ZCCHC10: variants seen among roughly 807,000 people sequenced by gnomAD.
The protein encoded by ZCCHC10 is zinc finger CCHC-type containing 10.
ZCCHC10 carries 16 observed loss-of-function variants against 19.5 expected under a neutral mutation model. The ratio of observed to expected loss-of-function variants is 0.82; its 90% confidence interval spans 0.56 to 1.25. ZCCHC10 has a LOEUF of 1.25. ZCCHC10 is among the 50% of genes most tolerant of loss of function. ZCCHC10 has a pLI of 0.00. For synonymous variants in ZCCHC10, 67 were observed against 72.5 expected (o/e 0.92, Z 0.38); for missense variants, 197 against 201.0 (o/e 0.98, Z 0.12).
At chr5:133,025,543 A>T (rs1337735157) in intron 1 of ZCCHC10, among the ~76,000 whole-genome samples, 1 of 146,458 alleles carries the variant, frequency 6.8e-6, no homozygotes, top group Non-Finnish European at 1.5e-5. Context: ...AGAAAGGGGC[A>T]TCTGGGGTGA....
chr5:133,019,913 C>CT (rs1177948303), intron 2 of ZCCHC10, among the ~76,000 whole-genome samples: 2 of 147,434 alleles, frequency 1.4e-5, no homozygotes, highest in African/African-American at 5.1e-5. Context: ...AATCGTGCCT[C>CT]TGCACTCTAG....
In ZCCHC10 at chr5:133,000,025, G is replaced by A. The variant is rs1762659768; in HGVS notation, c.311+107C>T. On this transcript the variant is annotated intron_variant, in intron 4 of 4. Transcript: ENST00000509437. ...GGCCTCCCAAAGTGCTGGGATTATA[G>A]GCATGAGCCACTGCATCTGGCATAG... 4.7e-6 allele frequency: 6 copies of A among 1,287,802 alleles called. No homozygotes were observed. The East Asian group carries it at 1.4e-4, about 31-fold the overall frequency. The allele number at this position is 1,287,802 out of a possible 1,614,324, so 79.8% of individuals were successfully genotyped here. A position where few individuals can be genotyped will look rare whatever the true frequency, so the allele number is the denominator to read the frequency against.
chr5:133,024,012 C>T (rs1212205009), intron 1 of ZCCHC10, among the ~76,000 whole-genome samples: 1 of 152,170 alleles, frequency 6.6e-6, no homozygotes, highest in Non-Finnish European at 1.5e-5. Context: ...CTGTATACCA[C>T]AACACTTTTT....
intron 2 of ZCCHC10, among the ~76,000 whole-genome samples, chr5:133,009,613 C>CAAAAAAAAAAAAAAAAAAAAAAA (rs59555378): frequency 1.3e-4 from 7 of 55,538 alleles, no homozygotes; most frequent in Non-Finnish European, 2.2e-4. Flanking sequence ...GACTCCGTCT[C>CAAAAAAAAAAAAAAAAAAAAAAA]AAAAAAAAAA....
chr5:133,001,154 G>A (rs766963821), intron 3 of ZCCHC10, among the ~76,000 whole-genome samples: 4 of 151,636 alleles, frequency 2.6e-5, no homozygotes, highest in African/African-American at 4.8e-5. Context: ...TTGGGAGGCC[G>A]AGGCAGGCAG....
intron 2 of ZCCHC10, among the ~76,000 whole-genome samples, chr5:133,015,217 T>C (rs1330129530): frequency 6.6e-6 from 1 of 151,852 alleles, no homozygotes; most frequent in East Asian, 1.9e-4. Context: ...TAGCTGGGAT[T>C]ACAGGTGCGC....
chr5:133,022,468 T>C (rs1378601436), intron 2 of ZCCHC10, among the ~76,000 whole-genome samples: 2 of 151,950 alleles, frequency 1.3e-5, no homozygotes, highest in Non-Finnish European at 2.9e-5. Context: ...TTTTTTTTTT[T>C]TTTTGAGACA....
chr5:133,020,903 A>AT (rs1045900460), intron 2 of ZCCHC10, among the ~76,000 whole-genome samples: 9 of 106,684 alleles, frequency 8.4e-5, no homozygotes, highest in East Asian at 2.6e-4. Flanking sequence ...TGTATTTATT[A>AT]TTTTTTTTTT....
Position 133,007,317 on chromosome 5 carries a change from C to T in ZCCHC10, c.108-397G>A, listed in dbSNP as rs142213342. The stretch of plus-strand genomic sequence containing the variant: ...CAGCACTTTGGGAGGCTAAGGCAGG[C>T]GGATTACGAGGTCAGGAGATTGAGA... On this transcript the variant is annotated intron_variant, in intron 2 of 4. Coordinates refer to ENST00000509437, the MANE Select transcript of ZCCHC10 (RefSeq NM_001300816.3). Among the ~76,000 whole-genome samples, 1,368 of 152,082 alleles carry T rather than the reference C, an allele frequency of 9.0e-3. 31 individuals carry two copies. In the East Asian group the frequency reaches 0.098, roughly 11 times the overall value.
At chr5:133,013,455 G>A (rs1763708058) in intron 2 of ZCCHC10, among the ~76,000 whole-genome samples, 1 of 152,116 alleles carries the variant, frequency 6.6e-6, no homozygotes, top group South Asian at 2.1e-4. Context: ...CAGGCGTGGT[G>A]GCTCACACCT....
chr5:133,022,863 TC>T lies in ZCCHC10; in HGVS notation c.84del (p.Ile29PhefsTer15). On this transcript the variant is annotated frameshift_variant, in exon 2 of 5. Coordinates refer to ENST00000509437, the MANE Select transcript of ZCCHC10 (RefSeq NM_001300816.3). LOFTEE classifies it high-confidence loss of function. ...ELQPVKTFWI[L>X]IQPSIVISEA... Reference sequence around the variant, plus strand: ...TACCTAATAACGATGGATGGCTGAATCAGGATCCAAAAGGTCTTGACAGGCT... The same window carrying T: ...TACCTAATAACGATGGATGGCTGAATAGGATCCAAAAGGTCTTGACAGGCT... The T allele has an allele frequency of 1.6e-6, 1 of 615,256 alleles. No individual in the cohort carries two copies. Among genetic ancestry groups the T allele is most frequent in the Admixed American group, 3.0e-5 (1 of 33,792 alleles). 38.1% of individuals were successfully genotyped at this position (615,256 alleles called of 1,614,324 possible). A position where few individuals can be genotyped will look rare whatever the true frequency, so the allele number is the denominator to read the frequency against.
chr5:133,012,276 T>C (rs531972856), intron 2 of ZCCHC10, among the ~76,000 whole-genome samples: 1 of 151,724 alleles, frequency 6.6e-6, no homozygotes, highest in South Asian at 2.1e-4. Flanking sequence ...GAGACCAGCC[T>C]GGCCAACACA....
At chr5:133,000,104 T>C (rs755196878) in intron 4 of ZCCHC10, 28 bp downstream of exon 4, 5 of 1,610,260 alleles carry the variant, frequency 3.1e-6, no homozygotes, top group Non-Finnish European at 4.2e-6. Context: ...ACATGTTATC[T>C]ATAAAACACT....
rs543912972 is a variant in ZCCHC10, at chr5:133,025,816, T to C, written c.41+681A>G. 3.3e-4 allele frequency among the ~76,000 whole-genome samples: 50 copies of C among 152,252 alleles called. No individual in the cohort carries two copies. In the South Asian group the frequency reaches 4.1e-3, roughly 13 times the overall value. ...TTTCCCTCTTTCCATCACAACAGCTTACTTCCTTCAAAGCTGTTATCACCA... is the reference window on the plus strand; with the variant it reads ...TTTCCCTCTTTCCATCACAACAGCTCACTTCCTTCAAAGCTGTTATCACCA... On this transcript the variant is annotated intron_variant, in intron 1 of 4. Transcript: ENST00000509437.
chr5:133,001,436 A>G (rs1762768896), intron 3 of ZCCHC10, among the ~76,000 whole-genome samples: 1 of 151,724 alleles, frequency 6.6e-6, no homozygotes, highest in African/African-American at 2.4e-5. Flanking sequence ...AAAACAATTA[A>G]TTCTATCACC....
chr5:133,003,137 GT>G (rs1762879922), intron 3 of ZCCHC10: 1 of 310,714 alleles, frequency 3.2e-6, no homozygotes, highest in African/African-American at 2.2e-5. Flanking sequence ...CAGATCATGG[GT>G]CAGGCCAAGA....
chr5:133,024,043 T>C (rs1213045014), intron 1 of ZCCHC10, among the ~76,000 whole-genome samples: 1 of 152,160 alleles, frequency 6.6e-6, no homozygotes, highest in Non-Finnish European at 1.5e-5. Flanking sequence ...ACATGTTTGC[T>C]TCCCAACAAG....
In ZCCHC10 at chr5:132,997,306, T is replaced by G. The variant is rs994228841; in HGVS notation, c.*1277A>C. ...TTAAATAGCCTGTTTTCTTCAAAAGTAATTTTCTACTGCTTTTTCATAAAA... is the reference window on the plus strand; with the variant it reads ...TTAAATAGCCTGTTTTCTTCAAAAGGAATTTTCTACTGCTTTTTCATAAAA... On this transcript the variant is annotated 3_prime_UTR_variant, in exon 5 of 5. Transcript: ENST00000509437. The G allele has an allele frequency of 6.6e-5, 10 of 152,190 alleles. No individual in the cohort carries two copies. The highest frequency in any genetic ancestry group is 2.4e-4 in the African/African-American group (10 of 41,472). 9.4% of individuals were successfully genotyped at this position (152,190 alleles called of 1,614,324 possible).
intron 4 of ZCCHC10, 90 bp from the exon 5 acceptor site, chr5:132,998,940 G>T: frequency 1.3e-6 from 2 of 1,517,802 alleles, no homozygotes; most frequent in Non-Finnish European, 8.8e-7. Context: ...TTTCGAGACA[G>T]AGTCTTGCTC....
Sources: gnomAD v4.1 joint callset for allele counts (sites outside exome capture counted in the v4.1 genomes callset) on GRCh38, gnomAD v4.1.1 for gene constraint, MANE v1.5 for transcripts, NCBI Gene and HGNC (gene_info 2026-07-23, HGNC 2026-07-21) for gene names.